The following LIPI variants were observed in gnomAD, a reference collection of about 807,000 sequenced individuals.
LIPI encodes lipase I, also known as lipase member I.
A neutral mutation model predicts 50.6 loss-of-function variants in LIPI; 59 were observed. The ratio of observed to expected loss-of-function variants is 1.16; its 90% CI spans 0.94 to 1.45. LIPI has a LOEUF of 1.45. Ranked by LOEUF, LIPI falls within the 40% of genes most tolerant of loss-of-function variation. The pLI is 0.00. For synonymous variants in LIPI, 203 were observed against 178.2 expected (o/e 1.14, Z -1.11); for missense variants, 586 against 536.3 (o/e 1.09, Z -0.92).
Position 14,181,845 on chromosome 21 carries a change from C to A in LIPI, c.556G>T (p.Gly186Trp). 3 of 1,608,472 alleles carry A rather than the reference C, an allele frequency of 1.9e-6. No homozygotes were observed. Among genetic ancestry groups the A allele is most frequent in the Non-Finnish European group, 2.6e-6 (3 of 1,175,456 alleles). ...LGRITGLDPA[G>W]PRFSRKPPYS... ...GGTGGTTTTCTGGAGAACCTTGGCC[C>A]AGCAGGGTCAAGACCTGGAAAGCAA... The change falls in exon 4 of 10, where the codon GGG becomes TGG. Residue 186 changes from glycine to tryptophan, a missense_variant. Physicochemically the swap from Gly to Trp is radical, Grantham distance 184 (BLOSUM62 -2). Transcript: ENST00000681601.
In LIPI at chr21:14,163,406, G is replaced by A. The variant is rs112116463; in HGVS notation, c.1006+13C>T. The A allele has an allele frequency of 3.4e-3, 4,077 of 1,207,428 alleles. 94 individuals carry two copies. In the African/African-American group the frequency reaches 0.054, roughly 16 times the overall value. The allele number at this position is 1,207,428 out of a possible 1,614,324, so 74.8% of individuals were successfully genotyped here. A position where few individuals can be genotyped will look rare whatever the true frequency, so the allele number is the denominator to read the frequency against. On this transcript the variant is annotated intron_variant, in intron 7 of 9. Transcript: ENST00000681601. The stretch of plus-strand genomic sequence containing the variant: ...AAAAATTTGTTTATTTGTTAAAATT[G>A]TTAATAACTTACTACAGAATGGATA...
At chr21:14,186,609 G>T (rs1300333060) in intron 2 of LIPI, among the ~76,000 whole-genome samples, 3 of 152,190 alleles carry the variant, frequency 2.0e-5, no homozygotes, top group Non-Finnish European at 4.4e-5. Context: ...ATTCCAAGCT[G>T]CTGTGGTCTG....
intron 9 of LIPI, among the ~76,000 whole-genome samples, chr21:14,131,136 G>C (rs966240656): frequency 1.3e-5 from 2 of 152,066 alleles, no homozygotes; most frequent in Non-Finnish European, 2.9e-5. Context: ...ATTTTTAGTA[G>C]AGATGGGGTT....
At chr21:14,193,283 C>T (rs1353385392) in intron 1 of LIPI, among the ~76,000 whole-genome samples, 2 of 151,252 alleles carry the variant, frequency 1.3e-5, no homozygotes, top group East Asian at 3.9e-4. Flanking sequence ...CACGCTGCTA[C>T]CAAAAAAATC....
At position 14,108,866 on chromosome 21, in the gene LIPI, A is replaced by C. The variant is rs1288274848; in HGVS notation, c.*127T>G. 6.9e-6 allele frequency: 8 copies of C among 1,155,716 alleles called. No individual in the cohort carries two copies. Among genetic ancestry groups the C allele is most frequent in the Non-Finnish European group, 8.7e-6 (7 of 801,510 alleles). The allele number at this position is 1,155,716 out of a possible 1,614,324, so 71.6% of individuals were successfully genotyped here. A position where few individuals can be genotyped will look rare whatever the true frequency, so the allele number is the denominator to read the frequency against. ...TATTTTCTTTATTTTTGATTCTTAAAATTTTTTCCAAGAAATAGAAATACT... is the reference window on the plus strand; with the variant it reads ...TATTTTCTTTATTTTTGATTCTTAACATTTTTTCCAAGAAATAGAAATACT... On this transcript the variant is annotated 3_prime_UTR_variant, in exon 10 of 10. Coordinates refer to ENST00000681601, the MANE Select transcript of LIPI (RefSeq NM_001302998.2).
intron 1 of LIPI, among the ~76,000 whole-genome samples, chr21:14,192,071 GTTTTATTTTAT>G (rs2019696265): frequency 6.6e-6 from 1 of 152,152 alleles, no homozygotes; most frequent in Non-Finnish European, 1.5e-5. Context: ...AGGGTTAAGA[GTTTTATTTTAT>G]TTTTATTTTA....
chr21:14,166,076 T>A (rs1307104153), intron 5 of LIPI, among the ~76,000 whole-genome samples: 1 of 152,198 alleles, frequency 6.6e-6, no homozygotes, highest in African/African-American at 2.4e-5. Flanking sequence ...GAGCTACATG[T>A]GCTTCCTCAA....
Position 14,185,991 on chromosome 21 carries a change from T to C in LIPI, c.511A>G (p.Ile171Val), listed in dbSNP as rs780687758. 1 of 1,592,088 alleles carries C rather than the reference T, an allele frequency of 6.3e-7. No homozygotes were observed. Among genetic ancestry groups the C allele is most frequent in the Non-Finnish European group, 8.6e-7 (1 of 1,160,404 alleles). ...ATTCTTCCAAGTTGACCATGAAATA[T>C]CTTTCCAACAAATCCACTGATATGA... is the stretch of plus-strand genomic sequence containing the variant. Reference protein sequence around the residue: ...GAHISGFVGKIFHGQLGRITG... With the variant: ...GAHISGFVGKVFHGQLGRITG... The change falls in exon 3 of 10, where the codon ATA (isoleucine) becomes GTA (valine). Residue 171 changes from isoleucine (I) to valine (V), a missense_variant. Transcript: ENST00000681601.
At chr21:14,133,798 C>T (rs76706671) in intron 9 of LIPI, among the ~76,000 whole-genome samples, 1 of 152,140 alleles carries the variant, frequency 6.6e-6, no homozygotes, top group Non-Finnish European at 1.5e-5. Flanking sequence ...TACAAAATTA[C>T]CATACAAAAA....
At position 14,144,613 on chromosome 21, in the gene LIPI, A is replaced by G; in HGVS notation, c.1295+10T>C. The G allele has an allele frequency of 7.0e-7, 1 of 1,431,568 alleles. No individual in the cohort carries two copies. The highest frequency in any genetic ancestry group is 1.2e-5 in the South Asian group (1 of 83,806). The allele number at this position is 1,431,568 out of a possible 1,614,324, so 88.7% of individuals were successfully genotyped here. A position where few individuals can be genotyped will look rare whatever the true frequency, so the allele number is the denominator to read the frequency against. On this transcript the variant is annotated intron_variant, in intron 9 of 9. Coordinates refer to ENST00000681601, the MANE Select transcript of LIPI (RefSeq NM_001302998.2). ...GATAACATGTTGAAATCAAAATTTA[A>G]TTTTCTTACCTTTCTGGGTATGTAA...
chr21:14,126,334 T>C (rs1438447769), intron 9 of LIPI, among the ~76,000 whole-genome samples: 4 of 152,194 alleles, frequency 2.6e-5, no homozygotes, highest in Non-Finnish European at 5.9e-5. Context: ...AAACAAACTG[T>C]GGCATATCTA....
chr21:14,151,491 T>A (rs1052025914), intron 8 of LIPI, among the ~76,000 whole-genome samples: 1 of 152,170 alleles, frequency 6.6e-6, no homozygotes, highest in South Asian at 2.1e-4. Context: ...CAATAACCAG[T>A]CAAAACTTAA....
At chr21:14,157,011 G>C (rs2018297823) in intron 7 of LIPI, among the ~76,000 whole-genome samples, 2 of 151,868 alleles carry the variant, frequency 1.3e-5, no homozygotes. Flanking sequence ...AGGTAGCTTA[G>C]TGGAATTATG....
chr21:14,207,746 G>A (rs2020263232), intron 1 of LIPI, among the ~76,000 whole-genome samples: 1 of 152,130 alleles, frequency 6.6e-6, no homozygotes, highest in South Asian at 2.1e-4. Context: ...ACACGGAGAA[G>A]TTTTACATCT....
rs147131217 is a variant in LIPI at position 14,192,838 on chromosome 21, C to G, written c.47-3419G>C. 4.3e-4 allele frequency among the ~76,000 whole-genome samples: 65 copies of G among 152,288 alleles called. No homozygotes were observed. The East Asian group carries it at 9.3e-3, about 22-fold the overall frequency. ...GCTGGGAATTCCTTACCTCCAGACC[C>G]ACTCTACATGAAATGTTAATGCAAG... On this transcript the variant is annotated intron_variant, in intron 1 of 9. Coordinates refer to ENST00000681601, the MANE Select transcript of LIPI (RefSeq NM_001302998.2).
intron 1 of LIPI, among the ~76,000 whole-genome samples, chr21:14,201,840 A>T (rs186167083): frequency 1.3e-5 from 2 of 152,322 alleles, no homozygotes; most frequent in African/African-American, 4.8e-5. Flanking sequence ...GGCCAGGGCA[A>T]TCAGGCTGGA....
At position 14,175,039 on chromosome 21, in the gene LIPI, A is replaced by G. The variant is rs545138182; in HGVS notation, c.643+6719T>C. On this transcript the variant is annotated intron_variant, in intron 4 of 9. Coordinates refer to ENST00000681601, the MANE Select transcript of LIPI (RefSeq NM_001302998.2). The stretch of plus-strand genomic sequence containing the variant: ...TAAAAACAGTCATTTATTGTCATAT[A>G]GTATTTCATTGTATGAACATATCAC... 5.6e-4 allele frequency among the ~76,000 whole-genome samples: 85 copies of G among 152,338 alleles called. 3 individuals are homozygous for G. In the South Asian group the frequency reaches 0.018, roughly 32 times the overall value.
intron 9 of LIPI, among the ~76,000 whole-genome samples, chr21:14,111,313 T>C (rs891443101): frequency 2.0e-5 from 3 of 152,180 alleles, no homozygotes; most frequent in African/African-American, 7.2e-5. Context: ...CTCATTGTGG[T>C]TTTAATTTGC....
rs564085597 is a variant in LIPI, at chr21:14,166,741, G to A, written c.644-290C>T. Among the ~76,000 whole-genome samples the A allele has an allele frequency of 1.4e-4, 22 of 152,328 alleles. No homozygotes were observed. The South Asian group carries it at 4.1e-3, about 29-fold the overall frequency. On this transcript the variant is annotated intron_variant, in intron 4 of 9. Transcript: ENST00000681601. The stretch of plus-strand genomic sequence containing the variant: ...AATAGAGAGGGCAGCCAAGATGGCC[G>A]AATAGGAAGAGCTCCAGTCTTCAGC...
Sources: allele counts gnomAD v4.1 joint callset (sites outside exome capture counted in the v4.1 genomes callset), GRCh38; gene constraint gnomAD v4.1.1; transcripts MANE v1.5; gene names NCBI Gene and HGNC (gene_info 2026-07-23, HGNC 2026-07-21).